Variants in NARS2 observed in about 807,000 individuals in gnomAD.
NARS2 encodes asparaginyl-tRNA synthetase.
NARS2 carries 60 observed loss-of-function variants against 62.9 expected under a neutral mutation model. The ratio of observed to expected loss-of-function variants is 0.95; its 90% CI spans 0.77 to 1.18. The LOEUF (loss-of-function observed/expected upper bound fraction) is 1.18. Ranked by LOEUF, NARS2 falls within the 50% of genes most tolerant of loss-of-function variation. The pLI is 0.00. For synonymous variants in NARS2, 196 were observed against 200.0 expected (o/e 0.98, Z 0.17); for missense variants, 619 against 576.4 (o/e 1.07, Z -0.76).
intron 5 of NARS2, among the ~76,000 whole-genome samples, chr11:78,535,796 T>C (rs918764732): frequency 6.6e-6 from 1 of 152,160 alleles, no homozygotes; most frequent in African/African-American, 2.4e-5. Context: ...TTTGTATTTT[T>C]AGTAGAGACG....
chr11:78,527,236 A>G (rs1486660450), intron 6 of NARS2, among the ~76,000 whole-genome samples: 1 of 152,222 alleles, frequency 6.6e-6, no homozygotes, highest in East Asian at 1.9e-4. Flanking sequence ...ATGCTCTTTG[A>G]AACAGTTTTC....
At chr11:78,477,645 A>G (rs1859158396) in intron 9 of NARS2, among the ~76,000 whole-genome samples, 2 of 152,144 alleles carry the variant, frequency 1.3e-5, no homozygotes, top group Admixed American at 6.6e-5. Context: ...TGTTTTTTGG[A>G]TGAAATTAAT....
At chr11:78,566,440 G>A (rs1237969301) in intron 3 of NARS2, among the ~76,000 whole-genome samples, 168 bp from the exon 4 acceptor site, 1 of 152,188 alleles carries the variant, frequency 6.6e-6, no homozygotes, top group Non-Finnish European at 1.5e-5. Context: ...CCAGGTAAGT[G>A]GAATGGTAGG....
At chr11:78,541,203 C>T (rs4945290) in intron 5 of NARS2, among the ~76,000 whole-genome samples, 98,091 of 152,036 alleles carry the variant, frequency 0.65, 35,007 homozygotes, top group Non-Finnish European at 0.81. Context: ...GTAAAAGATG[C>T]TAAAGCTTAA....
intron 1 of NARS2, among the ~76,000 whole-genome samples, chr11:78,572,642 T>A (rs1329373880): frequency 6.6e-6 from 1 of 152,220 alleles, no homozygotes; most frequent in Non-Finnish European, 1.5e-5. Flanking sequence ...CTTACCTTAC[T>A]ACCAACTATC....
At chr11:78,511,713 T>C (rs1426036851) in intron 6 of NARS2, among the ~76,000 whole-genome samples, 1 of 108,540 alleles carries the variant, frequency 9.2e-6, no homozygotes, top group African/African-American at 3.0e-5. Flanking sequence ...CGAGACTCCG[T>C]CTCCAAAGAA....
At chr11:78,483,661 ACT>A (rs1405892105) in intron 7 of NARS2, among the ~76,000 whole-genome samples, 1 of 152,204 alleles carries the variant, frequency 6.6e-6, no homozygotes, top group Non-Finnish European at 1.5e-5. Context: ...AGAATAAAAT[ACT>A]TAGGAGTACA....
At chr11:78,467,473 A>C (rs1321094454) in intron 10 of NARS2, among the ~76,000 whole-genome samples, 1 of 152,108 alleles carries the variant, frequency 6.6e-6, no homozygotes, top group Non-Finnish European at 1.5e-5. Flanking sequence ...GGGAGGTGGA[A>C]TCTGCAGTGA....
chr11:78,569,404 C>G (rs1273449796), intron 2 of NARS2, among the ~76,000 whole-genome samples: 1 of 152,222 alleles, frequency 6.6e-6, no homozygotes, highest in East Asian at 1.9e-4. Context: ...ATCCTCCTGC[C>G]TTGGCCTCCC....
chr11:78,545,370 C>A (rs993388439), intron 5 of NARS2, among the ~76,000 whole-genome samples: 1 of 152,156 alleles, frequency 6.6e-6, no homozygotes, highest in African/African-American at 2.4e-5. Flanking sequence ...TCCTCTCTTT[C>A]CTATGCTCGA....
chr11:78,548,789 T>C (rs1855975611), intron 5 of NARS2, among the ~76,000 whole-genome samples: 1 of 152,124 alleles, frequency 6.6e-6, no homozygotes, highest in African/African-American at 2.4e-5. Context: ...GTAAATGTTA[T>C]TTAAAAAAAA....
intron 11 of NARS2, among the ~76,000 whole-genome samples, chr11:78,459,944 G>C (rs923707659): frequency 6.6e-6 from 1 of 152,206 alleles, no homozygotes. Flanking sequence ...TCAGACTAGA[G>C]GGTCAAGAAA....
At chr11:78,447,915 C>T (rs918073886) in intron 11 of NARS2, among the ~76,000 whole-genome samples, 11 of 152,168 alleles carry the variant, frequency 7.2e-5, no homozygotes, top group Middle Eastern at 3.4e-3. Context: ...GAATGGGAGA[C>T]AGGGGAATGA....
chr11:78,538,520 G>GT (rs1422043237), intron 5 of NARS2, among the ~76,000 whole-genome samples: 4 of 152,122 alleles, frequency 2.6e-5, no homozygotes, highest in Non-Finnish European at 4.4e-5. Flanking sequence ...CTCTTAAGCA[G>GT]TAACAAGCAA....
intron 1 of NARS2, among the ~76,000 whole-genome samples, chr11:78,572,954 C>T (rs1211612644): frequency 6.6e-6 from 1 of 152,194 alleles, no homozygotes; most frequent in Non-Finnish European, 1.5e-5. Flanking sequence ...TGGCTGGTAG[C>T]TACCATATCA....
chr11:78,500,280 G>A (rs1189839366), intron 6 of NARS2, among the ~76,000 whole-genome samples: 1 of 152,022 alleles, frequency 6.6e-6, no homozygotes, highest in Non-Finnish European at 1.5e-5. Context: ...CTTAATTTCT[G>A]TAAGACTAAA....
chr11:78,566,311 A>G, intron 3 of NARS2, 39 bp from the exon 4 acceptor site: 1 of 1,519,988 alleles, frequency 6.6e-7, no homozygotes, highest in Non-Finnish European at 8.9e-7. Context: ...AAGTCAAAAG[A>G]GATACTGTTT....
chr11:78,442,037 C>T (rs1215592403), intron 12 of NARS2, among the ~76,000 whole-genome samples: 1 of 152,076 alleles, frequency 6.6e-6, no homozygotes, highest in Admixed American at 6.5e-5. Context: ...ATAGACAGAT[C>T]CCTGAAATAG....
chr11:78,459,524 C>T lies in NARS2; in HGVS notation c.1164+6352G>A, dbSNP rs184946724. Among the ~76,000 whole-genome samples the T allele has an allele frequency of 3.4e-3, 521 of 152,188 alleles. 26 individuals are homozygous for T. Among genetic ancestry groups the T allele is most frequent in the African/African-American group, 0.012 (487 of 41,468 alleles). On this transcript the variant is annotated intron_variant, in intron 11 of 13. Transcript: ENST00000281038. ...GCCTCAGGTGATCCACCCGCCTCGG[C>T]CTCCCAAAGTGCTGGGATTACAGGA...
Sources: allele counts gnomAD v4.1 joint callset (sites outside exome capture counted in the v4.1 genomes callset), GRCh38; gene constraint gnomAD v4.1.1; transcripts MANE v1.5; gene names NCBI Gene and HGNC (gene_info 2026-07-23, HGNC 2026-07-21).